TMEM132D: variants seen among roughly 807,000 people sequenced by gnomAD.
TMEM132D encodes mature OL transmembrane protein.
Under a neutral mutation model 62.3 loss-of-function variants are expected in TMEM132D, and 21 were observed. The ratio of observed to expected loss-of-function variants is 0.34; its 90% CI spans 0.24 to 0.49. TMEM132D has a LOEUF of 0.49. Ranked by LOEUF, TMEM132D falls within the 20% of genes least tolerant of loss-of-function variation. The pLI is 0.99. For missense variants in TMEM132D, 1,346 were observed against 1,402.8 expected (o/e 0.96, Z 0.65); for synonymous variants, 621 against 575.6 (o/e 1.08, Z -1.13).
chr12:129,239,475 T>C (rs909692434), intron 4 of TMEM132D, among the ~76,000 whole-genome samples: 1 of 152,244 alleles, frequency 6.6e-6, no homozygotes, highest in African/African-American at 2.4e-5. Flanking sequence ...GACTGAACAG[T>C]GTCCTCGCAA....
At chr12:129,438,912 A>G (rs946850664) in intron 3 of TMEM132D, among the ~76,000 whole-genome samples, 2 of 152,238 alleles carry the variant, frequency 1.3e-5, no homozygotes, top group African/African-American at 2.4e-5. Flanking sequence ...CATCAGTTCC[A>G]TGTACAATAG....
At chr12:129,191,570 G>C (rs942679265) in intron 5 of TMEM132D, among the ~76,000 whole-genome samples, 4 of 151,434 alleles carry the variant, frequency 2.6e-5, no homozygotes, top group Non-Finnish European at 5.9e-5. Flanking sequence ...GTGTATCCTA[G>C]TTTTCTCCTC....
chr12:129,475,438 A>G (rs1471128979), intron 3 of TMEM132D, among the ~76,000 whole-genome samples: 1 of 152,238 alleles, frequency 6.6e-6, no homozygotes, highest in Non-Finnish European at 1.5e-5. Flanking sequence ...CTCAATCTAT[A>G]AAAGATAGGA....
At chr12:129,208,098 G>T (rs1172061379) in intron 5 of TMEM132D, among the ~76,000 whole-genome samples, 1 of 152,198 alleles carries the variant, frequency 6.6e-6, no homozygotes, top group Non-Finnish European at 1.5e-5. Flanking sequence ...CGCCCTGGCT[G>T]TAGCACTAAA....
At chr12:129,378,572 G>C (rs1037526858) in intron 3 of TMEM132D, among the ~76,000 whole-genome samples, 7 of 152,102 alleles carry the variant, frequency 4.6e-5, no homozygotes, top group Admixed American at 3.9e-4. Context: ...TAAATAATGG[G>C]GTCTCTCCAT....
At chr12:129,817,204 C>G (rs1872370878) in intron 1 of TMEM132D, among the ~76,000 whole-genome samples, 1 of 152,226 alleles carries the variant, frequency 6.6e-6, no homozygotes, top group South Asian at 2.1e-4. Context: ...TATATGCAAG[C>G]ATTCATGCAC....
chr12:129,792,586 C>T (rs993777303), intron 1 of TMEM132D, among the ~76,000 whole-genome samples: 12 of 152,174 alleles, frequency 7.9e-5, no homozygotes, highest in South Asian at 4.1e-4. Context: ...CCTCCTACAA[C>T]GGGGCGTTGA....
intron 3 of TMEM132D, among the ~76,000 whole-genome samples, chr12:129,364,726 G>C (rs1261427338): frequency 2.0e-5 from 3 of 152,146 alleles, no homozygotes; most frequent in African/African-American, 7.2e-5. Flanking sequence ...ATTCATTCCA[G>C]GCATCATTAT....
At chr12:129,259,601 A>G (rs1389023260) in intron 4 of TMEM132D, among the ~76,000 whole-genome samples, 1 of 152,118 alleles carries the variant, frequency 6.6e-6, no homozygotes, top group East Asian at 1.9e-4. Context: ...ATATTTAAGG[A>G]GAACAGATGG....
rs1054193815 is a variant in TMEM132D at position 129,485,133 on chromosome 12, C to T, written c.1115+45926G>A. Among the ~76,000 whole-genome samples the T allele has an allele frequency of 3.3e-5, 5 of 152,128 alleles. No homozygotes were observed. In the East Asian group the frequency reaches 9.7e-4, roughly 29 times the overall value. On this transcript the variant is annotated intron_variant, in intron 3 of 8. Coordinates refer to ENST00000422113, the MANE Select transcript of TMEM132D (RefSeq NM_133448.3). The stretch of plus-strand genomic sequence containing the variant: ...GAGAGTGTGGTGGTGAGATGGGAGG[C>T]AAACACATATACGTGGTACATTACT...
At chr12:129,149,145 C>T (rs1035961916) in intron 5 of TMEM132D, among the ~76,000 whole-genome samples, 4 of 151,386 alleles carry the variant, frequency 2.6e-5, no homozygotes, top group Non-Finnish European at 4.4e-5. Context: ...CCAAACACCG[C>T]ACGTTCTCAC....
intron 5 of TMEM132D, among the ~76,000 whole-genome samples, chr12:129,149,168 G>C (rs1170811259): frequency 4.7e-5 from 7 of 147,622 alleles, no homozygotes; most frequent in Non-Finnish European, 1.0e-4. Context: ...ACAAGTGGGA[G>C]TTGAACAATG....
chr12:129,788,726 A>G (rs904211741), intron 1 of TMEM132D, among the ~76,000 whole-genome samples: 2 of 152,192 alleles, frequency 1.3e-5, no homozygotes, highest in African/African-American at 4.8e-5. Context: ...CCAGGGTATG[A>G]TGACTTACCA....
Position 129,115,747 on chromosome 12 carries a change from T to G in TMEM132D, c.1444-31045A>C, listed in dbSNP as rs540755752. On this transcript the variant is annotated intron_variant, in intron 5 of 8. Coordinates refer to ENST00000422113, the MANE Select transcript of TMEM132D (RefSeq NM_133448.3). ...AGTGGAAGCCAGGGCCTGTAAAGCA[T>G]ACGTCACAAACTCCAGGCAGAGGTG... Among the ~76,000 whole-genome samples, 7 of 152,192 alleles carry G rather than the reference T, an allele frequency of 4.6e-5. No homozygotes were observed. In the South Asian group the frequency reaches 1.5e-3, roughly 32 times the overall value.
chr12:129,079,774 G>A (rs536254592), intron 7 of TMEM132D, among the ~76,000 whole-genome samples: 2 of 152,208 alleles, frequency 1.3e-5, no homozygotes, highest in Non-Finnish European at 2.9e-5. Context: ...GCGAGCATGA[G>A]AGGTGTGTCC....
intron 1 of TMEM132D, among the ~76,000 whole-genome samples, chr12:129,862,911 C>G (rs2137369836): frequency 6.6e-6 from 1 of 151,138 alleles, no homozygotes; most frequent in Middle Eastern, 3.5e-3. Context: ...AGAACAGAAA[C>G]ACATCACAAC....
At chr12:129,075,283 CAG>C (rs1457130368) in intron 8 of TMEM132D, among the ~76,000 whole-genome samples, 8 of 149,716 alleles carry the variant, frequency 5.3e-5, no homozygotes, top group African/African-American at 9.8e-5. Context: ...AATGACAAAA[CAG>C]GGCCAGTATT....
intron 5 of TMEM132D, among the ~76,000 whole-genome samples, chr12:129,158,424 T>C (rs1354181544): frequency 3.2e-5 from 3 of 93,470 alleles, no homozygotes; most frequent in African/African-American, 1.0e-4. Context: ...ACATCTTGAG[T>C]TTAAGTTATC....
At chr12:129,345,676 C>T (rs1270064044) in intron 3 of TMEM132D, among the ~76,000 whole-genome samples, 1 of 152,024 alleles carries the variant, frequency 6.6e-6, no homozygotes, top group Non-Finnish European at 1.5e-5. Context: ...CAGGTGTGTG[C>T]ATGTTTGATG....
Sources: allele counts gnomAD v4.1 joint callset (sites outside exome capture counted in the v4.1 genomes callset), GRCh38; gene constraint gnomAD v4.1.1; transcripts MANE v1.5; gene names NCBI Gene and HGNC (gene_info 2026-07-23, HGNC 2026-07-21).